The following BEND7 variants were observed in gnomAD, a reference collection of about 807,000 sequenced individuals.
BEND7 encodes the protein BEN domain containing 7.
Under a neutral mutation model 50.9 loss-of-function variants are expected in BEND7, and 28 were observed. The observed-to-expected ratio is 0.55, with a 90% CI of 0.41 to 0.75. The LOEUF is 0.75. Ranked by LOEUF, BEND7 falls within the 30% of genes least tolerant of loss-of-function variation. The probability of loss-of-function intolerance (pLI) is 0.00; values close to 1 mark genes in which losing one functional copy is unlikely to be tolerated. For synonymous variants in BEND7, 170 were observed against 183.9 expected (o/e 0.92, Z 0.61); for missense variants, 477 against 491.3 (o/e 0.97, Z 0.28).
At chr10:13,451,154 G>A (rs1837582072) in intron 7 of BEND7, among the ~76,000 whole-genome samples, 1 of 151,604 alleles carries the variant, frequency 6.6e-6, no homozygotes, top group South Asian at 2.1e-4. Flanking sequence ...GGTCTTTCTG[G>A]GTCCCTGAGA....
At chr10:13,520,839 A>G (rs2079033173) in intron 2 of BEND7, among the ~76,000 whole-genome samples, 1 of 152,234 alleles carries the variant, frequency 6.6e-6, no homozygotes, top group Non-Finnish European at 1.5e-5. Flanking sequence ...ACTTTAGGCA[A>G]CAAGTCATAC....
intron 6 of BEND7, among the ~76,000 whole-genome samples, chr10:13,458,344 A>G (rs1312985165): frequency 1.3e-5 from 2 of 152,248 alleles, no homozygotes; most frequent in South Asian, 4.1e-4. Flanking sequence ...CGGACTGGCC[A>G]TGTTCCCCAA....
At chr10:13,455,639 A>G (rs1838788792) in intron 6 of BEND7, among the ~76,000 whole-genome samples, 1 of 152,138 alleles carries the variant, frequency 6.6e-6, no homozygotes, top group Non-Finnish European at 1.5e-5. Flanking sequence ...GAGACGGTCA[A>G]AGGCATCACC....
intron 2 of BEND7, among the ~76,000 whole-genome samples, chr10:13,516,826 G>C (rs919827002): frequency 6.6e-6 from 1 of 152,216 alleles, no homozygotes; most frequent in Non-Finnish European, 1.5e-5. Flanking sequence ...CTAGATGATA[G>C]CAGGATACAT....
At chr10:13,498,632 A>C (rs1255006019) in intron 3 of BEND7, among the ~76,000 whole-genome samples, 1 of 152,218 alleles carries the variant, frequency 6.6e-6, no homozygotes, top group Non-Finnish European at 1.5e-5. Flanking sequence ...ATTTCTAGTC[A>C]CTATTCTAAG....
chr10:13,454,936 C>T (rs1179444568), intron 6 of BEND7, among the ~76,000 whole-genome samples: 1 of 152,088 alleles, frequency 6.6e-6, no homozygotes, highest in African/African-American at 2.4e-5. Flanking sequence ...CTCTGGGAGG[C>T]CAAGGCGGGT....
At position 13,471,215 on chromosome 10, in the gene BEND7, C is replaced by T. The variant is rs576878394; in HGVS notation, c.1063+9684G>A. 3.9e-5 allele frequency among the ~76,000 whole-genome samples: 6 copies of T among 152,332 alleles called. No homozygotes were observed. The South Asian group carries it at 1.0e-3, about 26-fold the overall frequency. On this transcript the variant is annotated intron_variant, in intron 6 of 8. Coordinates refer to ENST00000466271, the MANE Select transcript of BEND7 (RefSeq NM_001369863.1). ...TCTTACTAGACTGTACATTTCTGAA[C>T]ATCAGGGCCTTAGTCAGTCATTGGC...
intron 6 of BEND7, among the ~76,000 whole-genome samples, chr10:13,460,431 GCTCT>G (rs1247936740): frequency 1.3e-5 from 2 of 152,134 alleles, no homozygotes; most frequent in Admixed American, 6.5e-5. Context: ...GTAAAGCCTT[GCTCT>G]CTCTCTCTTT....
At position 13,503,999 on chromosome 10, in the gene BEND7, C is replaced by T. The variant is rs570673024; in HGVS notation, c.146-3919G>A. Among the ~76,000 whole-genome samples the T allele has an allele frequency of 3.9e-5, 6 of 152,302 alleles. No homozygotes were observed. In the South Asian group the frequency reaches 1.2e-3, roughly 32 times the overall value. ...AGGAGGAGGGAGTCCTGGGGCTCTA[C>T]TCCACAGCAGGGAATGATGAGTGAC... On this transcript the variant is annotated intron_variant, in intron 2 of 8. Transcript: ENST00000466271.
chr10:13,478,644 T>C (rs1048476803), intron 6 of BEND7, among the ~76,000 whole-genome samples: 1 of 152,208 alleles, frequency 6.6e-6, no homozygotes, highest in African/African-American at 2.4e-5. Context: ...TTGTTTTCAA[T>C]ACATTTTAAA....
intron 7 of BEND7, among the ~76,000 whole-genome samples, chr10:13,449,502 G>GTAACGC (rs1837219087): frequency 6.6e-6 from 1 of 152,184 alleles, no homozygotes; most frequent in Non-Finnish European, 1.5e-5. Flanking sequence ...ACAATGCCAA[G>GTAACGC]GACATGAGTC....
At chr10:13,502,787 G>T in intron 2 of BEND7, 2 of 439,026 alleles carry the variant, frequency 4.6e-6, no homozygotes, top group Non-Finnish European at 6.0e-6. Flanking sequence ...GGCACAGGTT[G>T]GTGGCCGCCA....
At chr10:13,474,260 G>A (rs949343416) in intron 6 of BEND7, among the ~76,000 whole-genome samples, 2 of 151,582 alleles carry the variant, frequency 1.3e-5, no homozygotes, top group Middle Eastern at 3.2e-3. Flanking sequence ...ACCCATCATC[G>A]CCGTTGGACT....
chr10:13,501,965 AG>A (rs1254682528), intron 2 of BEND7, among the ~76,000 whole-genome samples: 5 of 152,226 alleles, frequency 3.3e-5, no homozygotes, highest in Admixed American at 6.5e-5. Context: ...GCATCTGTTA[AG>A]AAAAATACAG....
At chr10:13,492,580 T>TA in intron 5 of BEND7, 31 bp downstream of exon 5, 2 of 1,611,984 alleles carry the variant, frequency 1.2e-6, no homozygotes, top group South Asian at 2.2e-5. Flanking sequence ...TACATAGCAT[T>TA]AGAGTCAGCA....
intron 2 of BEND7, among the ~76,000 whole-genome samples, chr10:13,517,288 G>A (rs1041066157): frequency 3.2e-4 from 48 of 151,922 alleles, no homozygotes; most frequent in African/African-American, 1.1e-3. Context: ...TCAATGAGGT[G>A]AGGAAGTGCA....
chr10:13,526,155 G>C lies in BEND7; in HGVS notation c.128C>G (p.Thr43Arg), dbSNP rs926108394. The C allele has an allele frequency of 1.2e-5, 16 of 1,288,550 alleles. 1 individual carries two copies. The Admixed American group carries it at 1.6e-4, about 13-fold the overall frequency. 79.8% of individuals were successfully genotyped at this position (1,288,550 alleles called of 1,614,324 possible). A position where few individuals can be genotyped will look rare whatever the true frequency, so the allele number is the denominator to read the frequency against. ...GAACCTACCTAAAAAAATGGGCTGTGTCTCTTTGGCCTCCCCATTAACATC... is the reference window on the plus strand; with the variant it reads ...GAACCTACCTAAAAAAATGGGCTGTCTCTCTTTGGCCTCCCCATTAACATC... ...SNDVNGEAKE[T>R]QPIFLGDESM... Residue 43 changes from threonine to arginine, a missense_variant, in exon 2 of 9, where the codon ACA (threonine) becomes AGA (arginine). Physicochemically the swap from Thr to Arg is moderately conservative, Grantham distance 71. Coordinates refer to ENST00000466271, the MANE Select transcript of BEND7 (RefSeq NM_001369863.1).
chr10:13,508,920 G>A (rs1291720513), intron 2 of BEND7, among the ~76,000 whole-genome samples: 2 of 152,242 alleles, frequency 1.3e-5, no homozygotes, highest in Non-Finnish European at 2.9e-5. Context: ...CCAGGGGACA[G>A]GAGCACTTTG....
chr10:13,466,799 T>C (rs1199248587), intron 6 of BEND7, among the ~76,000 whole-genome samples: 2 of 152,174 alleles, frequency 1.3e-5, no homozygotes, highest in African/African-American at 4.8e-5. Context: ...GTCATGCGTT[T>C]TTCTCTTTCT....
Sources: gnomAD v4.1 joint callset for allele counts (sites outside exome capture counted in the v4.1 genomes callset) on GRCh38, gnomAD v4.1.1 for gene constraint, MANE v1.5 for transcripts, NCBI Gene and HGNC (gene_info 2026-07-23, HGNC 2026-07-21) for gene names.